ABCB9: variants seen among roughly 807,000 people sequenced by gnomAD.
ABCB9 encodes the protein ATP binding cassette subfamily B member 9.
A neutral mutation model predicts 62.0 loss-of-function variants in ABCB9; 36 were observed. The ratio of observed to expected loss-of-function variants is 0.58; its 90% CI spans 0.45 to 0.77. The LOEUF is 0.77. Ranked by LOEUF, ABCB9 falls within the 30% of genes least tolerant of loss-of-function variation. The probability of loss-of-function intolerance (pLI) is 0.00; values close to 1 mark genes in which losing one functional copy is unlikely to be tolerated. For missense variants in ABCB9, 943 were observed against 1,054.7 expected (o/e 0.89, Z 1.47); for synonymous variants, 435 against 461.4 (o/e 0.94, Z 0.73).
upstream of ABCB9, among the ~76,000 whole-genome samples, chr12:122,970,207 T>A (rs373538800): frequency 6.6e-6 from 1 of 151,466 alleles, no homozygotes. Flanking sequence ...AGCCTCCCGA[T>A]CAGCTGGGAT....
In ABCB9 at chr12:122,944,218, C is replaced by A. The variant is rs1004864609; in HGVS notation, c.1380+173G>T. 1.1e-4 allele frequency among the ~76,000 whole-genome samples: 17 copies of A among 152,142 alleles called. No homozygotes were observed. The highest frequency in any genetic ancestry group is 4.4e-5 in the Non-Finnish European group (3 of 68,036). ...TTCTGGGATTATAGGCGTGAGCCAC[C>A]ACGCCCTGCCTAGTATTATCATTCT... On this transcript the variant is annotated intron_variant, in intron 7 of 11. Transcript: ENST00000280560. The surrounding 1 kb of genome is among the most constrained non-coding windows in gnomAD (Gnocchi z 4.9).
At chr12:122,950,055 C>T (rs1234525894) in intron 3 of ABCB9, 137 bp from the exon 4 acceptor site, 2 of 1,214,572 alleles carry the variant, frequency 1.6e-6, no homozygotes, top group African/African-American at 1.5e-5. Context: ...TGCGGGGTCC[C>T]CCTCATTCCC....
chr12:122,944,232 T>C lies in ABCB9; in HGVS notation c.1380+159A>G, dbSNP rs1017225877. On this transcript the variant is annotated intron_variant, in intron 7 of 11. Coordinates refer to ENST00000280560, the MANE Select transcript of ABCB9 (RefSeq NM_019625.4). This position sits in a 1 kb window ranked among gnomAD's most constrained non-coding sequence, Gnocchi z 4.9. ...GCGTGAGCCACCACGCCCTGCCTAG[T>C]ATTATCATTCTTGATATGATCATGC... Among the ~76,000 whole-genome samples, 1 of 152,146 alleles carries C rather than the reference T, an allele frequency of 6.6e-6. No individual in the cohort carries two copies. The highest frequency in any genetic ancestry group is 2.4e-5 in the African/African-American group (1 of 41,430).
In ABCB9 at chr12:122,932,412, C is replaced by T. The variant is rs1593980130; in HGVS notation, c.1904-84G>A. On this transcript the variant is annotated intron_variant, in intron 10 of 11. Coordinates refer to ENST00000280560, the MANE Select transcript of ABCB9 (RefSeq NM_019625.4). This position sits in a 1 kb window ranked among gnomAD's most constrained non-coding sequence, Gnocchi z 4.7. ...AAGAGTGAGAGGCCCTGCCCTGCAG[C>T]TGTGGAAAGGGCGGGCTGGAACCCA... 1.4e-6 allele frequency: 2 copies of T among 1,470,724 alleles called. No individual in the cohort carries two copies. Among genetic ancestry groups the T allele is most frequent in the African/African-American group, 2.8e-5 (2 of 71,380 alleles). The allele number at this position is 1,470,724 out of a possible 1,614,324, so 91.1% of individuals were successfully genotyped here. A position where few individuals can be genotyped will look rare whatever the true frequency, so the allele number is the denominator to read the frequency against.
chr12:122,948,572 G>A, intron 5 of ABCB9, 52 bp downstream of exon 5: 1 of 1,521,446 alleles, frequency 6.6e-7, no homozygotes, highest in South Asian at 1.3e-5. Flanking sequence ...CTAAGGGGAT[G>A]TTTGGGGGCT....
chr12:122,958,437 G>A (rs1318461192), intron 2 of ABCB9, among the ~76,000 whole-genome samples: 1 of 152,144 alleles, frequency 6.6e-6, no homozygotes, highest in Non-Finnish European at 1.5e-5. Flanking sequence ...GGAAAAGCTG[G>A]GAACATGCAC....
At position 122,950,715 on chromosome 12, in the gene ABCB9, G is replaced by A. The variant is rs1195541937; in HGVS notation, c.602-150C>T. 4.7e-6 allele frequency: 3 copies of A among 638,342 alleles called. No homozygotes were observed. The African/African-American group carries it at 5.5e-5, about 12-fold the overall frequency. The allele number at this position is 638,342 out of a possible 1,614,324, so 39.5% of individuals were successfully genotyped here. A position where few individuals can be genotyped will look rare whatever the true frequency, so the allele number is the denominator to read the frequency against. ...GGCAAACTCTTGCTGCCCATCGTGG[G>A]GCCCCAGGGTGCTTAATGCCCCCCT... On this transcript the variant is annotated intron_variant, in intron 2 of 11. Coordinates refer to ENST00000280560, the MANE Select transcript of ABCB9 (RefSeq NM_019625.4).
chr12:122,920,995 C>A, exon 12 of ABCB9: 4 of 1,532,608 alleles, frequency 2.6e-6, no homozygotes, highest in Non-Finnish European at 3.5e-6. Flanking sequence ...TCATTGTCAT[C>A]ATCATCAATC....
At chr12:122,974,610 A>T (rs1186232309) in intron 1 of ABCB9, 1 of 152,286 alleles carries the variant, frequency 6.6e-6, no homozygotes. Context: ...GGCTGCGGTG[A>T]GACCACGCCC....
upstream of ABCB9, among the ~76,000 whole-genome samples, chr12:122,969,563 C>T (rs1017047510): frequency 6.6e-6 from 1 of 152,014 alleles, no homozygotes; most frequent in African/African-American, 2.4e-5. Flanking sequence ...CAGTGGGACC[C>T]AGTTGCTACA....
chr12:122,920,913 TAAA>T (rs57504429), downstream of ABCB9: 3 of 1,030,082 alleles, frequency 2.9e-6, no homozygotes, highest in Non-Finnish European at 1.4e-6. Context: ...ACCCCTGTCT[TAAA>T]AAAAAAATCA....
chr12:122,963,748 G>A (rs966371969), intron 1 of ABCB9, among the ~76,000 whole-genome samples: 1 of 152,164 alleles, frequency 6.6e-6, no homozygotes, highest in Admixed American at 6.5e-5. Flanking sequence ...CCAAGCCTGG[G>A]CCCTGCTTTC....
chr12:122,950,615 C>T, intron 2 of ABCB9, 50 bp from the exon 3 acceptor site: 1 of 1,462,858 alleles, frequency 6.8e-7, no homozygotes, highest in Middle Eastern at 1.8e-4. Flanking sequence ...GGGGAACCCG[C>T]ACCCTTCCTC....
intron 2 of ABCB9, chr12:122,951,559 G>A (rs1379708930): frequency 6.6e-6 from 1 of 152,120 alleles, no homozygotes; most frequent in Non-Finnish European, 1.5e-5. Context: ...ACTCGTCCAG[G>A]CCACATGGCA....
chr12:122,967,166 T>C (rs1206258174), upstream of ABCB9, among the ~76,000 whole-genome samples: 4 of 152,154 alleles, frequency 2.6e-5, no homozygotes, highest in Non-Finnish European at 2.9e-5. Flanking sequence ...CACAGCTGTG[T>C]GTGAAAAGAC....
Position 122,940,984 on chromosome 12 carries a change from G to T in ABCB9, c.1392C>A (p.Ser464=), listed in dbSNP as rs769847967. The T allele has an allele frequency of 6.2e-7, 1 of 1,604,192 alleles. No individual in the cohort carries two copies. The highest frequency in any genetic ancestry group is 1.7e-5 in the Admixed American group (1 of 59,478). Residue 464 remains serine (S), a synonymous_variant, in exon 8 of 12, where the codon TCC becomes TCA. Coordinates refer to ENST00000280560, the MANE Select transcript of ABCB9 (RefSeq NM_019625.4). The surrounding 1 kb of genome is among the most constrained non-coding windows in gnomAD (Gnocchi z 4.8). ...CTCCCTGCATCAGGCCACTGTAGAC[G>T]GAGCCCACGGACTGGGGAGAGGAGA... ...VLGDCMESVG[S]VYSGLMQGVG...
chr12:122,943,755 G>A (rs1024473966), intron 7 of ABCB9, among the ~76,000 whole-genome samples: 1 of 151,722 alleles, frequency 6.6e-6, no homozygotes, highest in Non-Finnish European at 1.5e-5. Context: ...TCGGCCTCCT[G>A]AGGTGTGAGC....
At chr12:122,920,467 G>C (rs540041102), downstream of ABCB9, among the ~76,000 whole-genome samples, 5 of 152,226 alleles carry the variant, frequency 3.3e-5, no homozygotes, top group South Asian at 1.0e-3. Flanking sequence ...CTCTGGTCAG[G>C]GTTCGGGCTG....
At chr12:122,924,260 C>A (rs988742612), downstream of ABCB9, among the ~76,000 whole-genome samples, 1 of 152,236 alleles carries the variant, frequency 6.6e-6, no homozygotes, top group African/African-American at 2.4e-5. Context: ...GCAGTCATTT[C>A]TTTTCTCTGG....
Sources: gnomAD v4.1 joint callset for allele counts (sites outside exome capture counted in the v4.1 genomes callset) on GRCh38, gnomAD v4.1.1 for gene constraint, Gnocchi (gnomAD v3.1) non-coding constraint, MANE v1.5 for transcripts, NCBI Gene and HGNC (gene_info 2026-07-23, HGNC 2026-07-21) for gene names.